Variants in CTNNA3 observed in about 807,000 individuals in gnomAD.
CTNNA3 encodes the protein catenin alpha-3.
Under a neutral mutation model 95.7 loss-of-function variants are expected in CTNNA3, and 76 were observed. The ratio of observed to expected loss-of-function variants is 0.79; its 90% CI spans 0.66 to 0.96. The LOEUF (loss-of-function observed/expected upper bound fraction) is 0.96. Among genes scored for constraint, CTNNA3 ranks in the 40% least tolerant of loss-of-function variants. CTNNA3 has a pLI of 0.00. For missense variants in CTNNA3, 1,191 were observed against 1,089.8 expected (o/e 1.09, Z -1.31); for synonymous variants, 431 against 374.4 (o/e 1.15, Z -1.74).
chr10:66,247,168 A>G (rs2090366431), intron 13 of CTNNA3, among the ~76,000 whole-genome samples: 1 of 152,216 alleles, frequency 6.6e-6, no homozygotes, highest in African/African-American at 2.4e-5. Flanking sequence ...TAGGCCTAGA[A>G]AGTAGCCTCC....
chr10:66,185,256 T>A (rs1392927551), intron 13 of CTNNA3, among the ~76,000 whole-genome samples: 1 of 152,132 alleles, frequency 6.6e-6, no homozygotes, highest in African/African-American at 2.4e-5. Context: ...AATTAGTAGA[T>A]AGAGTTGGAG....
intron 5 of CTNNA3, among the ~76,000 whole-genome samples, chr10:67,375,056 C>A (rs1843638499): frequency 6.6e-6 from 1 of 152,104 alleles, no homozygotes; most frequent in Non-Finnish European, 1.5e-5. Context: ...GTTGAAGATG[C>A]TATTTATTAT....
intron 13 of CTNNA3, among the ~76,000 whole-genome samples, chr10:66,122,311 GAA>G (rs954456567): frequency 7.9e-5 from 12 of 151,718 alleles, no homozygotes; most frequent in Non-Finnish European, 1.5e-4. Flanking sequence ...AATGTGAAGA[GAA>G]AAAAAATTAC....
chr10:66,675,986 T>A (rs1446368454), intron 9 of CTNNA3, among the ~76,000 whole-genome samples: 1 of 152,132 alleles, frequency 6.6e-6, no homozygotes, highest in Admixed American at 6.6e-5. Context: ...GTCTCAGAGC[T>A]ATTGTTTACA....
At chr10:66,887,705 T>G (rs1217121614) in intron 7 of CTNNA3, among the ~76,000 whole-genome samples, 2 of 152,196 alleles carry the variant, frequency 1.3e-5, no homozygotes, top group Non-Finnish European at 2.9e-5. Flanking sequence ...TTCAACTCCC[T>G]GAATCCCTAT....
intron 11 of CTNNA3, among the ~76,000 whole-genome samples, chr10:66,443,757 A>T (rs989872515): frequency 6.6e-6 from 1 of 152,154 alleles, no homozygotes; most frequent in Non-Finnish European, 1.5e-5. Flanking sequence ...AACTCTAAAA[A>T]GCAGAGCACC....
intron 7 of CTNNA3, among the ~76,000 whole-genome samples, chr10:67,008,301 C>T (rs1310668708): frequency 6.6e-6 from 1 of 151,978 alleles, no homozygotes; most frequent in Non-Finnish European, 1.5e-5. Context: ...TTCATAGTTT[C>T]TATTTTATTC....
chr10:66,535,315 T>G (rs1207971725), intron 10 of CTNNA3, among the ~76,000 whole-genome samples: 1 of 152,182 alleles, frequency 6.6e-6, no homozygotes, highest in East Asian at 1.9e-4. Flanking sequence ...TTTATTTTGT[T>G]CAGGGCAGGT....
intron 7 of CTNNA3, among the ~76,000 whole-genome samples, chr10:66,789,862 G>A (rs1345954035): frequency 6.6e-6 from 1 of 152,126 alleles, no homozygotes; most frequent in East Asian, 1.9e-4. Context: ...CAGCAAGATA[G>A]GATCTATTTG....
At chr10:66,635,197 A>G (rs1293475705) in intron 9 of CTNNA3, among the ~76,000 whole-genome samples, 2 of 152,252 alleles carry the variant, frequency 1.3e-5, no homozygotes, top group East Asian at 3.9e-4. Flanking sequence ...AGTAAATTTA[A>G]TATAATAAAC....
intron 6 of CTNNA3, among the ~76,000 whole-genome samples, chr10:67,189,817 A>G (rs935868559): frequency 6.6e-6 from 1 of 152,128 alleles, no homozygotes; most frequent in Non-Finnish European, 1.5e-5. Flanking sequence ...GATCTGTGAA[A>G]CCAGGAGAAT....
chr10:67,092,527 G>T (rs1857712193), intron 7 of CTNNA3, among the ~76,000 whole-genome samples: 1 of 151,812 alleles, frequency 6.6e-6, no homozygotes, highest in Non-Finnish European at 1.5e-5. Context: ...AAATTCATAT[G>T]AATGTTCATA....
chr10:66,814,390 G>A (rs545941828), intron 7 of CTNNA3, among the ~76,000 whole-genome samples: 3 of 152,170 alleles, frequency 2.0e-5, no homozygotes, highest in Non-Finnish European at 4.4e-5. Flanking sequence ...TTTCATTTAG[G>A]GGTCAAGCCT....
chr10:66,710,944 T>C (rs1299059594), intron 9 of CTNNA3, among the ~76,000 whole-genome samples: 1 of 152,070 alleles, frequency 6.6e-6, no homozygotes, highest in African/African-American at 2.4e-5. Flanking sequence ...CTATAAAACA[T>C]CTTTTAAATA....
At chr10:66,906,689 T>C (rs146118232) in intron 7 of CTNNA3, among the ~76,000 whole-genome samples, 176 of 152,208 alleles carry the variant, frequency 1.2e-3, no homozygotes, top group African/African-American at 4.1e-3. Context: ...AATTTGGTGT[T>C]GACTGGTATT....
chr10:66,217,440 C>A (rs895997939), intron 13 of CTNNA3, among the ~76,000 whole-genome samples: 1 of 151,272 alleles, frequency 6.6e-6, no homozygotes, highest in Non-Finnish European at 1.5e-5. Flanking sequence ...TTTGATCCAT[C>A]CAAATTGTTG....
chr10:67,736,977 T>TG (rs1435082381), intron 1 of CTNNA3, among the ~76,000 whole-genome samples: 2 of 151,924 alleles, frequency 1.3e-5, no homozygotes, highest in African/African-American at 2.4e-5. Context: ...AATTTTTTTT[T>TG]GGGGGGGACA....
chr10:66,094,687 A>G (rs370290184), intron 14 of CTNNA3, among the ~76,000 whole-genome samples: 2 of 152,252 alleles, frequency 1.3e-5, no homozygotes, highest in East Asian at 3.9e-4. Flanking sequence ...TTGATGGACT[A>G]TAATCCCTCT....
chr10:66,731,087 CT>C (rs1848946038), intron 9 of CTNNA3, among the ~76,000 whole-genome samples: 1 of 152,166 alleles, frequency 6.6e-6, no homozygotes, highest in Non-Finnish European at 1.5e-5. Flanking sequence ...TAGATTCAGT[CT>C]TCCTCTGAAA....
Sources: gnomAD v4.1 joint callset for allele counts (sites outside exome capture counted in the v4.1 genomes callset) on GRCh38, gnomAD v4.1.1 for gene constraint, MANE v1.5 for transcripts, NCBI Gene and HGNC (gene_info 2026-07-23, HGNC 2026-07-21) for gene names.